PGRMC2: variants seen among roughly 807,000 people sequenced by gnomAD.
The protein encoded by PGRMC2 is membrane-associated progesterone receptor component 2.
Under a neutral mutation model 19.3 loss-of-function variants are expected in PGRMC2, and 9 were observed. That is an observed-to-expected ratio of 0.47 (90% CI 0.28 to 0.81). PGRMC2 has a LOEUF of 0.81. Ranked by LOEUF, PGRMC2 falls within the 40% of genes least tolerant of loss-of-function variation. The probability of loss-of-function intolerance (pLI) is 0.11; values close to 1 mark genes in which losing one functional copy is unlikely to be tolerated. For missense variants in PGRMC2, 289 were observed against 297.3 expected, an observed-to-expected ratio of 0.97 and a Z score of 0.21; for synonymous variants, 157 against 124.6, an observed-to-expected ratio of 1.26 and a Z score of -1.73.
At chr4:128,275,940 G>A (rs1760805198) in intron 1 of PGRMC2, among the ~76,000 whole-genome samples, 3 of 152,210 alleles carry the variant, frequency 2.0e-5, no homozygotes, top group Admixed American at 6.5e-5. Context: ...TTGCCCAGCT[G>A]ATCTTGAACT....
intron 1 of PGRMC2, chr4:128,286,874 G>T: frequency 1.5e-5 from 5 of 336,682 alleles, no homozygotes; most frequent in Non-Finnish European, 1.6e-5. Flanking sequence ...AAGGAGATCA[G>T]TGGCAAAAAA....
At chr4:128,279,399 C>T (rs1010819101) in intron 1 of PGRMC2, among the ~76,000 whole-genome samples, 1 of 152,142 alleles carries the variant, frequency 6.6e-6, no homozygotes, top group African/African-American at 2.4e-5. Flanking sequence ...AAGCTTAATA[C>T]CACGTTTTTG....
chr4:128,277,546 TCA>T (rs2110560827), intron 1 of PGRMC2, among the ~76,000 whole-genome samples: 1 of 152,312 alleles, frequency 6.6e-6, no homozygotes, highest in East Asian at 1.9e-4. Context: ...ACCATATCTC[TCA>T]GAGATGAACT....
chr4:128,282,469 G>A (rs536421204), intron 1 of PGRMC2, among the ~76,000 whole-genome samples: 2 of 152,256 alleles, frequency 1.3e-5, no homozygotes, highest in South Asian at 4.2e-4. Flanking sequence ...ATATGCTTTA[G>A]GATTTAACAC....
chr4:128,284,331 C>A (rs1208532193), intron 1 of PGRMC2, among the ~76,000 whole-genome samples: 1 of 152,178 alleles, frequency 6.6e-6, no homozygotes, highest in Non-Finnish European at 1.5e-5. Context: ...GACTCCCCAC[C>A]TGTAGAGCAG....
intron 1 of PGRMC2, among the ~76,000 whole-genome samples, chr4:128,276,164 A>T (rs992613136): frequency 2.0e-4 from 31 of 152,234 alleles, no homozygotes; most frequent in Non-Finnish European, 1.0e-4. Context: ...CTGAAAAGTC[A>T]GCAATACCTT....
intron 1 of PGRMC2, 25 bp from the exon 2 acceptor site, chr4:128,272,542 T>C: frequency 2.3e-6 from 3 of 1,328,030 alleles, no homozygotes; most frequent in South Asian, 4.1e-5. Flanking sequence ...ATAAATTATT[T>C]AGATCACCTA....
rs1028758768 is a variant in PGRMC2, at chr4:128,270,500, T to C, written c.*816A>G. Reference sequence around the variant, plus strand: ...TCAAGGTTTTATGGTCAACAGAATATTCCAACTTCAGTCTTAATGCTGCTT... The same window carrying C: ...TCAAGGTTTTATGGTCAACAGAATACTCCAACTTCAGTCTTAATGCTGCTT... On this transcript the variant is annotated 3_prime_UTR_variant, in exon 3 of 3. Coordinates refer to ENST00000296425, the MANE Select transcript of PGRMC2 (RefSeq NM_006320.6). 3.3e-5 allele frequency: 5 copies of C among 152,638 alleles called. No individual in the cohort carries two copies. The highest frequency in any genetic ancestry group is 7.3e-5 in the Non-Finnish European group (5 of 68,034). 9.5% of individuals were successfully genotyped at this position (152,638 alleles called of 1,614,324 possible).
chr4:128,285,690 A>C (rs917228058), intron 1 of PGRMC2, among the ~76,000 whole-genome samples: 3 of 152,202 alleles, frequency 2.0e-5, no homozygotes, highest in Admixed American at 2.0e-4. Context: ...TTTAATACCA[A>C]TGGGGGAAAA....
intron 1 of PGRMC2, among the ~76,000 whole-genome samples, chr4:128,279,233 T>G (rs1439551403): frequency 6.7e-6 from 1 of 149,694 alleles, no homozygotes; most frequent in Non-Finnish European, 1.5e-5. Context: ...AGAAAAACTG[T>G]GGCAAAGGAT....
intron 1 of PGRMC2, among the ~76,000 whole-genome samples, chr4:128,284,580 T>C (rs1283561520): frequency 6.6e-6 from 1 of 152,222 alleles, no homozygotes; most frequent in African/African-American, 2.4e-5. Flanking sequence ...ACTGTCAATA[T>C]TTAATTAAGA....
At chr4:128,278,269 CCT>C (rs1441748091) in intron 1 of PGRMC2, among the ~76,000 whole-genome samples, 2 of 152,090 alleles carry the variant, frequency 1.3e-5, no homozygotes, top group Non-Finnish European at 2.9e-5. Flanking sequence ...GGATTATTCC[CCT>C]GTTGGGGAAA....
At position 128,271,254 on chromosome 4, in the gene PGRMC2, G is replaced by C. The variant is rs1159044278; in HGVS notation, c.*62C>G. 1 of 821,870 alleles carries C rather than the reference G, an allele frequency of 1.2e-6. No homozygotes were observed. The highest frequency in any genetic ancestry group is 2.1e-6 in the Non-Finnish European group (1 of 486,872). 50.9% of individuals were successfully genotyped at this position (821,870 alleles called of 1,614,324 possible). On this transcript the variant is annotated 3_prime_UTR_variant, in exon 3 of 3. Coordinates refer to ENST00000296425, the MANE Select transcript of PGRMC2 (RefSeq NM_006320.6). ...GAATCAAACCCAAAGACTCCGGACAGTCTGTGAAAGGGAGTAAGAATTGCA... is the reference window on the plus strand; with the variant it reads ...GAATCAAACCCAAAGACTCCGGACACTCTGTGAAAGGGAGTAAGAATTGCA...
chr4:128,279,071 C>T (rs993594157), intron 1 of PGRMC2, among the ~76,000 whole-genome samples: 8 of 151,668 alleles, frequency 5.3e-5, no homozygotes, highest in African/African-American at 7.3e-5. Flanking sequence ...AGCTGGGTGT[C>T]GTGGCGCATG....
chr4:128,284,192 T>A (rs1167467283), intron 1 of PGRMC2, among the ~76,000 whole-genome samples: 1 of 152,162 alleles, frequency 6.6e-6, no homozygotes, highest in African/African-American at 2.4e-5. Flanking sequence ...AACAGTAAGA[T>A]TCTCTACAAG....
At chr4:128,286,496 G>A (rs1312963875) in intron 1 of PGRMC2, among the ~76,000 whole-genome samples, 2 of 152,042 alleles carry the variant, frequency 1.3e-5, no homozygotes, top group East Asian at 3.8e-4. Context: ...ACTGGCACAT[G>A]GGGGTATAAA....
rs1482165791 is a variant in PGRMC2, at chr4:128,271,516, GATT to G, written c.575-106_575-104del. 1.0e-5 allele frequency: 6 copies of G among 585,158 alleles called. No homozygotes were observed. The East Asian group carries it at 1.5e-4, about 14-fold the overall frequency. The allele number at this position is 585,158 out of a possible 1,614,324, so 36.2% of individuals were successfully genotyped here. ...TCTGTTTTAGAATCATATAAAATAT[GATT>G]ATTAGAATATTATCTAAATATTCTA... On this transcript the variant is annotated intron_variant, in intron 2 of 2. Coordinates refer to ENST00000296425, the MANE Select transcript of PGRMC2 (RefSeq NM_006320.6).
chr4:128,271,545 A>T, intron 2 of PGRMC2, 132 bp from the exon 3 acceptor site: 1 of 538,518 alleles, frequency 1.9e-6, no homozygotes, highest in South Asian at 2.9e-5. Flanking sequence ...AAATATTCTA[A>T]AATTGCTTCA....
At position 128,271,319 on chromosome 4, in the gene PGRMC2, A is replaced by G. The variant is rs140708408; in HGVS notation, c.669T>C (p.Asp223=). The stretch of plus-strand genomic sequence containing the variant: ...TGACTTTGGTTGTTTACAAAGTTCA[A>G]TCCTGTTTATTGTGATCCTTGGTAT... ...EEDTKDHNKQ[D] The change falls in exon 3 of 3, where the codon GAT becomes GAC. Residue 223 remains aspartate (D), a synonymous_variant. Coordinates refer to ENST00000296425, the MANE Select transcript of PGRMC2 (RefSeq NM_006320.6). The G allele has an allele frequency of 2.2e-5, 35 of 1,567,802 alleles. No homozygotes were observed. In the African/African-American group the frequency reaches 3.9e-4, roughly 18 times the overall value.
Sources: gnomAD v4.1 joint callset for allele counts (sites outside exome capture counted in the v4.1 genomes callset) on GRCh38, gnomAD v4.1.1 for gene constraint, MANE v1.5 for transcripts, NCBI Gene and HGNC (gene_info 2026-07-23, HGNC 2026-07-21) for gene names.